Variants in STARD13 observed in about 807,000 individuals in gnomAD.
STARD13 encodes StAR related lipid transfer domain containing 13, also known as stAR-related lipid transfer protein 13.
Under a neutral mutation model 106.4 loss-of-function variants are expected in STARD13, and 62 were observed. That is an observed-to-expected ratio of 0.58 (90% confidence interval 0.48 to 0.72). The LOEUF (loss-of-function observed/expected upper bound fraction) is 0.72. Among genes scored for constraint, STARD13 ranks in the 30% least tolerant of loss-of-function variants. STARD13 has a pLI of 0.00. For synonymous variants in STARD13, 565 were observed against 553.0 expected, an observed-to-expected ratio of 1.02 and a Z score of -0.31; for missense variants, 1,387 against 1,424.0, an observed-to-expected ratio of 0.97 and a Z score of 0.42.
At chr13:33,134,154 A>G (rs568218) in intron 4 of STARD13, among the ~76,000 whole-genome samples, 49,408 of 152,088 alleles carry the variant, frequency 0.32, 8,748 homozygotes, top group Non-Finnish European at 0.41. Context: ...TGTGGACAAT[A>G]TGGCTCACTA....
chr13:33,321,318 C>T (rs1341213825), intron 1 of STARD13, among the ~76,000 whole-genome samples: 1 of 152,004 alleles, frequency 6.6e-6, no homozygotes, highest in Non-Finnish European at 1.5e-5. Context: ...CCTGCCTGAC[C>T]AACATGGTGA....
At chr13:33,245,566 C>T (rs1209597964) in intron 1 of STARD13, among the ~76,000 whole-genome samples, 1 of 152,158 alleles carries the variant, frequency 6.6e-6, no homozygotes, top group African/African-American at 2.4e-5. Flanking sequence ...TGCCCTTGAG[C>T]TACTTATTTT....
intron 1 of STARD13, among the ~76,000 whole-genome samples, chr13:33,318,928 A>G (rs7992367): frequency 0.9 from 137,636 of 152,142 alleles, 63,847 homozygotes; most frequent in East Asian, 1. Context: ...AGGAGTAGAG[A>G]AATTTGAACC....
At chr13:33,308,300 G>A (rs74045798) in intron 1 of STARD13, among the ~76,000 whole-genome samples, 7,285 of 152,122 alleles carry the variant, frequency 0.048, 557 homozygotes, top group African/African-American at 0.16. Flanking sequence ...AGTGCATGGC[G>A]AAAATAGAGC....
At chr13:33,288,592 A>T (rs979704509), upstream of STARD13, among the ~76,000 whole-genome samples, 224 of 151,774 alleles carry the variant, frequency 1.5e-3, 2 homozygotes, top group African/African-American at 5.2e-3. Flanking sequence ...TTTTTTTTTA[A>T]AAAAAGGGAA....
In STARD13 at chr13:33,129,510, G is replaced by C; in HGVS notation, c.1167C>G (p.Ser389=). 1.9e-6 allele frequency: 3 copies of C among 1,614,158 alleles called. No individual in the cohort carries two copies. Among genetic ancestry groups the C allele is most frequent in the Non-Finnish European group, 1.7e-6 (2 of 1,180,030 alleles). The change falls in exon 5 of 14, where the codon TCC becomes TCG. Residue 389 remains serine, a synonymous_variant. Coordinates refer to ENST00000336934, the MANE Select transcript of STARD13 (RefSeq NM_178006.4). ...GDQSRMHEFH[S]QENLVVHIPK... is the part of the protein sequence containing the mutation. Reference sequence around the variant, plus strand: ...GAATATGCACCACCAAATTCTCTTGGGAGTGAAATTCATGCATACGGCTTT... The same window carrying C: ...GAATATGCACCACCAAATTCTCTTGCGAGTGAAATTCATGCATACGGCTTT...
the STARD13 span, among the ~76,000 whole-genome samples, chr13:33,374,662 C>A: frequency 6.6e-6 from 1 of 152,028 alleles, no homozygotes; most frequent in African/African-American, 2.4e-5. Flanking sequence ...TGCTGGAGTT[C>A]ATCTTTGGAA....
chr13:33,166,312 C>T (rs988176536), intron 2 of STARD13, among the ~76,000 whole-genome samples: 2 of 152,000 alleles, frequency 1.3e-5, no homozygotes, highest in South Asian at 2.1e-4. Flanking sequence ...GAGGGAGACA[C>T]TTGTGATTTT....
At chr13:33,507,350 A>G in the STARD13 span, among the ~76,000 whole-genome samples, 7 of 152,180 alleles carry the variant, frequency 4.6e-5, no homozygotes, top group Admixed American at 3.9e-4. Flanking sequence ...ATGTTTCACT[A>G]AAATATTCTA....
chr13:33,453,500 G>A, the STARD13 span, among the ~76,000 whole-genome samples: 1 of 152,214 alleles, frequency 6.6e-6, no homozygotes. Context: ...CACTGGTGAT[G>A]TTGGCTTTTC....
In STARD13 at chr13:33,294,223, C is replaced by T. The variant is rs367865093; in HGVS notation, c.124+56067G>A. On this transcript the variant is annotated intron_variant, in intron 1 of 5. Coordinates refer to the STARD13 transcript ENST00000567873. Reference sequence around the variant, plus strand: ...CCGTGCCTTTAACTAAACAGTACAGCGGCACTGAGCCAGCTACATTCAGCT... The same window carrying T: ...CCGTGCCTTTAACTAAACAGTACAGTGGCACTGAGCCAGCTACATTCAGCT... Among the ~76,000 whole-genome samples the T allele has an allele frequency of 1.5e-3, 222 of 152,324 alleles. 2 individuals carry two copies. Among genetic ancestry groups the T allele is most frequent in the African/African-American group, 4.8e-3 (198 of 41,574 alleles).
the STARD13 span, among the ~76,000 whole-genome samples, chr13:33,409,347 G>A: frequency 6.6e-6 from 1 of 152,210 alleles, no homozygotes; most frequent in African/African-American, 2.4e-5. Context: ...GCATAGAGAT[G>A]TCAAGTAACT....
the STARD13 span, among the ~76,000 whole-genome samples, chr13:33,664,890 T>C: frequency 6.6e-6 from 1 of 152,200 alleles, no homozygotes; most frequent in East Asian, 1.9e-4. Context: ...CCTCCCAAAG[T>C]GTTGGGATTA....
In STARD13 at chr13:33,127,413, T is replaced by G. The variant is rs770308089; in HGVS notation, c.1882A>C (p.Met628Leu). ...RFSLLRLTAIMEKHSMSNKHG... is the reference protein window; with the variant it reads ...RFSLLRLTAILEKHSMSNKHG... ...TTGTTGGACATGGAGTGCTTCTCCA[T>G]GATGGCCGTGAGGCGGAGCAGTGAG... The change falls in exon 6 of 14, where the codon ATG becomes CTG. Residue 628 changes from methionine (M) to leucine (L), a missense_variant. Coordinates refer to ENST00000336934, the MANE Select transcript of STARD13 (RefSeq NM_178006.4). The G allele has an allele frequency of 1.2e-6, 2 of 1,605,234 alleles. No individual in the cohort carries two copies. The highest frequency in any genetic ancestry group is 1.7e-6 in the Non-Finnish European group (2 of 1,177,834).
intron 1 of STARD13, among the ~76,000 whole-genome samples, chr13:33,223,457 G>A (rs371520955): frequency 9.9e-5 from 15 of 152,004 alleles, no homozygotes; most frequent in Non-Finnish European, 1.5e-4. Flanking sequence ...TCAGGAGTTC[G>A]AGACCAGCCT....
the STARD13 span, among the ~76,000 whole-genome samples, chr13:33,420,924 A>G: frequency 6.6e-6 from 1 of 152,334 alleles, no homozygotes; most frequent in Non-Finnish European, 1.5e-5. Context: ...AAGACAAAAC[A>G]TACCAGATCT....
At chr13:33,114,067 C>T (rs1051679838) in intron 8 of STARD13, among the ~76,000 whole-genome samples, 6 of 152,176 alleles carry the variant, frequency 3.9e-5, no homozygotes, top group South Asian at 2.1e-4. Flanking sequence ...AGCACTCCCA[C>T]GTGTGTTTAT....
chr13:33,360,970 T>TG, the STARD13 span, among the ~76,000 whole-genome samples: 5 of 148,790 alleles, frequency 3.4e-5, no homozygotes, highest in African/African-American at 1.2e-4. Flanking sequence ...TAATTTTTTT[T>TG]TTTTTTTTTG....
the STARD13 span, among the ~76,000 whole-genome samples, chr13:33,438,768 A>G: frequency 6.6e-6 from 1 of 152,234 alleles, no homozygotes; most frequent in South Asian, 2.1e-4. Context: ...AGTGAAGCTG[A>G]GATCTTGGGT....
Sources: allele counts gnomAD v4.1 joint callset (sites outside exome capture counted in the v4.1 genomes callset), GRCh38; gene constraint gnomAD v4.1.1; transcripts MANE v1.5; gene names NCBI Gene and HGNC (gene_info 2026-07-23, HGNC 2026-07-21).